Variants in TENM2 observed in about 807,000 individuals in gnomAD.
TENM2 encodes the protein teneurin-2.
Under a neutral mutation model 245.2 loss-of-function variants are expected in TENM2, and 52 were observed. That is an observed-to-expected ratio of 0.21 (90% CI 0.17 to 0.27). The LOEUF is 0.27. Ranked by LOEUF, TENM2 falls within the 10% of genes least tolerant of loss-of-function variation. The pLI, the probability that TENM2 is intolerant of heterozygous loss-of-function variation, is 1.00. For synonymous variants in TENM2, 1,363 were observed against 1,438.9 expected, an observed-to-expected ratio of 0.95 and a Z score of 1.19; for missense variants, 3,046 against 3,666.8, an observed-to-expected ratio of 0.83 and a Z score of 4.37.
chr5:167,645,264 T>G (rs1214627742), intron 2 of TENM2, among the ~76,000 whole-genome samples: 2 of 152,146 alleles, frequency 1.3e-5, no homozygotes, highest in Non-Finnish European at 2.9e-5. Context: ...ACAATCAAAT[T>G]TTCATTTTCC....
the TENM2 span, among the ~76,000 whole-genome samples, chr5:167,178,857 A>T: frequency 2.0e-5 from 3 of 152,170 alleles, no homozygotes; most frequent in Admixed American, 6.5e-5. Flanking sequence ...GAAATAGTTT[A>T]ATTTGCTCAT....
At chr5:167,320,837 C>T (rs1323285713) in intron 1 of TENM2, among the ~76,000 whole-genome samples, 1 of 152,010 alleles carries the variant, frequency 6.6e-6, no homozygotes, top group African/African-American at 2.4e-5. Flanking sequence ...TATAGTAGCA[C>T]AAAACAGACT....
the TENM2 span, among the ~76,000 whole-genome samples, chr5:167,036,636 G>A: frequency 4.6e-4 from 70 of 152,150 alleles, no homozygotes; most frequent in South Asian, 2.1e-3. Flanking sequence ...GAATTGAGAC[G>A]TCCTTTCATG....
At chr5:167,851,803 C>T (rs546100121) in intron 2 of TENM2, among the ~76,000 whole-genome samples, 18 of 152,300 alleles carry the variant, frequency 1.2e-4, no homozygotes, top group South Asian at 2.1e-4. Flanking sequence ...GTTCCTTCGT[C>T]TTCCCTTCAT....
intron 2 of TENM2, among the ~76,000 whole-genome samples, chr5:167,592,396 T>C (rs1175347255): frequency 1.3e-5 from 2 of 152,166 alleles, no homozygotes; most frequent in African/African-American, 4.8e-5. Context: ...TTTATTACTT[T>C]GAGTCTAGAC....
chr5:167,346,656 T>A (rs1337101459), intron 1 of TENM2, among the ~76,000 whole-genome samples: 1 of 152,232 alleles, frequency 6.6e-6, no homozygotes, highest in East Asian at 1.9e-4. Context: ...TCTGCCAGTT[T>A]CATGGATGCT....
intron 2 of TENM2, among the ~76,000 whole-genome samples, chr5:167,637,467 T>C (rs1167824365): frequency 1.3e-5 from 2 of 152,196 alleles, no homozygotes; most frequent in African/African-American, 2.4e-5. Context: ...AATCCCATTA[T>C]TGGTATATAC....
At chr5:167,944,972 G>A (rs1369708330) in intron 3 of TENM2, among the ~76,000 whole-genome samples, 3 of 152,194 alleles carry the variant, frequency 2.0e-5, no homozygotes, top group Admixed American at 1.3e-4. Flanking sequence ...TGTTAAAGGA[G>A]CCCTAGAGGT....
intron 5 of TENM2, among the ~76,000 whole-genome samples, chr5:168,032,544 G>A (rs1026336562): frequency 2.6e-5 from 4 of 152,128 alleles, no homozygotes; most frequent in Admixed American, 2.0e-4. Context: ...CCTGGAATAA[G>A]GCAGGAAACC....
chr5:167,751,823 T>A (rs972227440), intron 2 of TENM2, among the ~76,000 whole-genome samples: 1 of 152,154 alleles, frequency 6.6e-6, no homozygotes, highest in Non-Finnish European at 1.5e-5. Context: ...GTTATATATG[T>A]AATTCCCTTT....
chr5:167,051,025 T>G, the TENM2 span, among the ~76,000 whole-genome samples: 1 of 152,200 alleles, frequency 6.6e-6, no homozygotes, highest in South Asian at 2.1e-4. Flanking sequence ...CTTTTCCCCC[T>G]GTGGCCTCTC....
chr5:167,568,813 T>C (rs1471663683), intron 2 of TENM2, among the ~76,000 whole-genome samples: 1 of 152,136 alleles, frequency 6.6e-6, no homozygotes, highest in African/African-American at 2.4e-5. Context: ...CAGATTGTTT[T>C]AGTATTATAT....
At chr5:167,076,616 T>C in the TENM2 span, among the ~76,000 whole-genome samples, 4 of 152,310 alleles carry the variant, frequency 2.6e-5, no homozygotes, top group East Asian at 7.7e-4. Flanking sequence ...TTCATAATAG[T>C]CGCTATATAC....
At chr5:168,225,544 T>C (rs1233343083) in intron 23 of TENM2, among the ~76,000 whole-genome samples, 1 of 152,152 alleles carries the variant, frequency 6.6e-6, no homozygotes, top group Non-Finnish European at 1.5e-5. Context: ...GTGGATCACC[T>C]GAGGTCAGGA....
chr5:167,321,729 T>C (rs974502789), intron 1 of TENM2, among the ~76,000 whole-genome samples: 4 of 150,558 alleles, frequency 2.7e-5, no homozygotes, highest in Non-Finnish European at 5.9e-5. Context: ...TTTCTTTGTT[T>C]ATTTCCCCTT....
chr5:168,112,612 G>GGGT (rs1159361651), intron 9 of TENM2, among the ~76,000 whole-genome samples: 3 of 125,274 alleles, frequency 2.4e-5, no homozygotes, highest in Non-Finnish European at 3.4e-5. Context: ...TGGGCGGGGG[G>GGGT]GGGGTCAAAC....
rs144142915 is a variant in TENM2 at position 167,330,940 on chromosome 5, A to G, written c.227-44258A>G. Among the ~76,000 whole-genome samples, 6 of 152,224 alleles carry G rather than the reference A, an allele frequency of 3.9e-5. No individual in the cohort carries two copies. In the East Asian group the frequency reaches 1.2e-3, roughly 29 times the overall value. Reference sequence around the variant, plus strand: ...AAGTAGTATTGTGTATGTATTACCTATTGAAAAGCATTATGGGCCAGGCGT... The same window carrying G: ...AAGTAGTATTGTGTATGTATTACCTGTTGAAAAGCATTATGGGCCAGGCGT... On this transcript the variant is annotated intron_variant, in intron 1 of 28. Coordinates refer to ENST00000518659, the Ensembl canonical transcript of TENM2.
At chr5:167,920,354 A>C (rs1263560104) in intron 3 of TENM2, among the ~76,000 whole-genome samples, 1 of 151,744 alleles carries the variant, frequency 6.6e-6, no homozygotes, top group Admixed American at 6.6e-5. Context: ...AAAAAAAGAA[A>C]AAAAAAATCA....
chr5:167,867,706 T>A (rs906803876), intron 2 of TENM2, among the ~76,000 whole-genome samples: 7 of 152,180 alleles, frequency 4.6e-5, no homozygotes, highest in African/African-American at 1.7e-4. Flanking sequence ...TGAGAAGACA[T>A]AAGAGGTCAT....
Sources: allele counts gnomAD v4.1 joint callset (sites outside exome capture counted in the v4.1 genomes callset), GRCh38; gene constraint gnomAD v4.1.1; transcripts MANE v1.5; gene names NCBI Gene and HGNC (gene_info 2026-07-23, HGNC 2026-07-21).